Variants in RIMBP2 observed in about 807,000 individuals in gnomAD.
The protein encoded by RIMBP2 is RIMS binding protein 2.
RIMBP2 carries 48 observed loss-of-function variants against 118.6 expected under a neutral mutation model. The ratio of observed to expected loss-of-function variants is 0.40; its 90% confidence interval spans 0.32 to 0.51. RIMBP2 has a LOEUF of 0.51. RIMBP2 is among the 20% of genes least tolerant of loss of function. The pLI is 0.41. For missense variants in RIMBP2, 1,551 were observed against 1,768.3 expected, an observed-to-expected ratio of 0.88 and a Z score of 2.20; for synonymous variants, 762 against 742.9, an observed-to-expected ratio of 1.03 and a Z score of -0.42.
rs376680802 is a variant in RIMBP2 at position 130,410,416 on chromosome 12, A to G, written c.3589+2203T>C. 3.9e-4 allele frequency among the ~76,000 whole-genome samples: 60 copies of G among 152,200 alleles called. No individual in the cohort carries two copies. The South Asian group carries it at 0.012, about 32-fold the overall frequency. ...TTTTTCCTTTTATGTATCATGTTTT[A>G]ATGTCCTGTCAAAGAAATCGTTGCC... On this transcript the variant is annotated intron_variant, in intron 19 of 22. Coordinates refer to ENST00000690449, the MANE Select transcript of RIMBP2 (RefSeq NM_001393629.1).
Position 130,437,043 on chromosome 12 carries a change from G to T in RIMBP2, c.1905C>A (p.His635Gln). 1 of 1,578,962 alleles carries T rather than the reference G, an allele frequency of 6.3e-7. No individual in the cohort carries two copies. Among genetic ancestry groups the T allele is most frequent in the South Asian group, 1.2e-5 (1 of 86,190 alleles). Residue 635 changes from histidine (H) to glutamine (Q), a missense_variant, in exon 13 of 23, where the codon CAC (histidine) becomes CAA (glutamine). By Grantham distance (24) the His-to-Gln change is conservative. Around this residue, in one of 5 missense-constraint regions of RIMBP2, gnomAD observed 1,038 missense variants for 1,125.1 expected, o/e 0.92. Coordinates refer to ENST00000690449, the MANE Select transcript of RIMBP2 (RefSeq NM_001393629.1). ...PETKDEHLGP[H>Q]ARMDEAWEQS... ...GCTCCCAGGCCTCATCCATCCTGGCGTGGGGACCCAGGTGCTCGTCTTTGG... is the reference window on the plus strand; with the variant it reads ...GCTCCCAGGCCTCATCCATCCTGGCTTGGGGACCCAGGTGCTCGTCTTTGG...
chr12:130,552,869 G>C (rs1375344887), intron 2 of RIMBP2, among the ~76,000 whole-genome samples: 1 of 152,058 alleles, frequency 6.6e-6, no homozygotes, highest in Non-Finnish European at 1.5e-5. Context: ...AACAGGACAG[G>C]TCGCCGGGCG....
chr12:130,572,727 G>A (rs2057777220), intron 2 of RIMBP2, among the ~76,000 whole-genome samples: 1 of 152,106 alleles, frequency 6.6e-6, no homozygotes, highest in Admixed American at 6.5e-5. Context: ...GGGACTCACA[G>A]GGTTTCTCGG....
At chr12:130,571,904 C>A (rs1208289543) in intron 2 of RIMBP2, among the ~76,000 whole-genome samples, 2 of 152,198 alleles carry the variant, frequency 1.3e-5, no homozygotes, top group African/African-American at 4.8e-5. Context: ...CCCCTTCCCA[C>A]CTGGACACCC....
At chr12:130,701,214 C>A (rs77986873) in intron 1 of RIMBP2, among the ~76,000 whole-genome samples, 8,453 of 152,270 alleles carry the variant, frequency 0.056, 278 homozygotes, top group Middle Eastern at 0.1. Flanking sequence ...CAGCAGAGCC[C>A]CCCAGCAGGT....
Position 130,446,815 on chromosome 12 carries a change from C to T in RIMBP2, c.582-1546G>A, listed in dbSNP as rs896869481. 3.3e-5 allele frequency among the ~76,000 whole-genome samples: 5 copies of T among 152,100 alleles called. No homozygotes were observed. The highest frequency in any genetic ancestry group is 1.2e-4 in the African/African-American group (5 of 41,408). ...ATGTTTGCGTTTTACAAAGAGACCT[C>T]GTGGGTGCTGTGTGGATGGAGCTTG... On this transcript the variant is annotated intron_variant, in intron 9 of 22. Coordinates refer to ENST00000690449, the MANE Select transcript of RIMBP2 (RefSeq NM_001393629.1). The surrounding 1 kb of genome is among the most constrained non-coding windows in gnomAD (Gnocchi z 4.1).
In RIMBP2 at chr12:130,431,368, T is replaced by C; in HGVS notation, c.2254-3031A>G. ...TGGTCAGGGAACACTTCCCGGGTTG[T>C]AAAACTGGCAGTCTGTGCACCAGCT... On this transcript the variant is annotated intron_variant, in intron 14 of 22. Coordinates refer to ENST00000690449, the MANE Select transcript of RIMBP2 (RefSeq NM_001393629.1). The surrounding 1 kb of genome is among the most constrained non-coding windows in gnomAD (Gnocchi z 4.0). The C allele has an allele frequency of 2.8e-6, 1 of 356,872 alleles. No individual in the cohort carries two copies. The allele number at this position is 356,872 out of a possible 1,614,324, so 22.1% of individuals were successfully genotyped here.
intron 2 of RIMBP2, among the ~76,000 whole-genome samples, chr12:130,577,911 C>T (rs2058200991): frequency 6.6e-6 from 1 of 152,102 alleles, no homozygotes; most frequent in Admixed American, 6.5e-5. Flanking sequence ...TTGTGGTATA[C>T]AGGTAACTAT....
At position 130,523,356 on chromosome 12, in the gene RIMBP2, C is replaced by T. The variant is rs1405776349; in HGVS notation, c.-216-5439G>A. Among the ~76,000 whole-genome samples, 3 of 152,198 alleles carry T rather than the reference C, an allele frequency of 2.0e-5. No individual in the cohort carries two copies. Among genetic ancestry groups the T allele is most frequent in the Non-Finnish European group, 4.4e-5 (3 of 68,034 alleles). Reference sequence around the variant, plus strand: ...ACCTTGGTCTTAGACTTCCAGCCTCCAGGACTGAGAGAGAGGAGAGCTCTG... The same window carrying T: ...ACCTTGGTCTTAGACTTCCAGCCTCTAGGACTGAGAGAGAGGAGAGCTCTG... On this transcript the variant is annotated intron_variant, in intron 2 of 22. Transcript: ENST00000690449. The surrounding 1 kb of genome is among the most constrained non-coding windows in gnomAD (Gnocchi z 4.4).
intron 10 of RIMBP2, 57 bp downstream of exon 10, chr12:130,445,103 G>T: frequency 8.8e-7 from 1 of 1,134,112 alleles, no homozygotes; most frequent in East Asian, 2.6e-5. Context: ...GGAAGAGGTG[G>T]TCTGCGGGGT....
chr12:130,579,474 G>A (rs2058315927), intron 2 of RIMBP2, among the ~76,000 whole-genome samples: 1 of 152,176 alleles, frequency 6.6e-6, no homozygotes, highest in East Asian at 1.9e-4. Context: ...GCTCTTGGGA[G>A]CGTGTGTCTG....
rs1057467325 is a variant in RIMBP2 at position 130,597,033 on chromosome 12, A to G, written c.-217+31289T>C. ...ATTATTTGTGGACAAATTAATACCA[A>G]TTCTGCACAAACTCTTCCAAAAAAC... On this transcript the variant is annotated intron_variant, in intron 2 of 22. Transcript: ENST00000690449. 2.6e-5 allele frequency among the ~76,000 whole-genome samples: 4 copies of G among 152,318 alleles called. No homozygotes were observed. The South Asian group carries it at 8.3e-4, about 32-fold the overall frequency.
intron 2 of RIMBP2, among the ~76,000 whole-genome samples, chr12:130,625,649 G>A (rs2061576486): frequency 6.6e-6 from 1 of 152,154 alleles, no homozygotes. Flanking sequence ...AAATGCAATA[G>A]CTTAATGATG....
At chr12:130,577,819 C>G (rs893271300) in intron 2 of RIMBP2, among the ~76,000 whole-genome samples, 16 of 152,246 alleles carry the variant, frequency 1.1e-4, no homozygotes, top group African/African-American at 3.6e-4. Flanking sequence ...CCTCCCCACC[C>G]GCCAACCCTC....
At chr12:130,462,418 C>G (rs997146013) in intron 6 of RIMBP2, among the ~76,000 whole-genome samples, 11 of 152,160 alleles carry the variant, frequency 7.2e-5, no homozygotes, top group African/African-American at 2.4e-4. Flanking sequence ...GGATGCCTGC[C>G]CGGCTGCGTC....
rs529884989 is a variant in RIMBP2, at chr12:130,554,948, G to A, written c.-216-37031C>T. Among the ~76,000 whole-genome samples the A allele has an allele frequency of 8.6e-4, 131 of 152,338 alleles. 1 individual carries two copies. The highest frequency in any genetic ancestry group is 3.0e-3 in the African/African-American group (125 of 41,578). On this transcript the variant is annotated intron_variant, in intron 2 of 22. Coordinates refer to ENST00000690449, the MANE Select transcript of RIMBP2 (RefSeq NM_001393629.1). The stretch of plus-strand genomic sequence containing the variant: ...TTGTCAGGAAAGGCAACGTTGAACA[G>A]CATTCCTAAATATTTAGCAAAGATT...
At chr12:130,558,842 A>ATGT (rs59123322) in intron 2 of RIMBP2, among the ~76,000 whole-genome samples, 148,735 of 152,246 alleles carry the variant, frequency 0.98, 72,752 homozygotes, top group Middle Eastern at 1. Context: ...CCTTGCTAAA[A>ATGT]TGTTAAATGA....
intron 1 of RIMBP2, among the ~76,000 whole-genome samples, chr12:130,691,350 C>T (rs1001181959): frequency 6.6e-6 from 1 of 152,174 alleles, no homozygotes; most frequent in Non-Finnish European, 1.5e-5. Context: ...GCCCCTTCTA[C>T]CCAGGAATGC....
chr12:130,502,238 T>G (rs2049867863), intron 4 of RIMBP2, among the ~76,000 whole-genome samples: 1 of 152,156 alleles, frequency 6.6e-6, no homozygotes, highest in African/African-American at 2.4e-5. Context: ...AGAAGCTCCA[T>G]GCAGCCAATC....
Sources: gnomAD v4.1 joint callset for allele counts (sites outside exome capture counted in the v4.1 genomes callset) on GRCh38, gnomAD v4.1.1 for gene constraint, gnomAD v4.1.1 regional missense constraint, Gnocchi (gnomAD v3.1) non-coding constraint, MANE v1.5 for transcripts, NCBI Gene and HGNC (gene_info 2026-07-23, HGNC 2026-07-21) for gene names.